Variants in NECAB1 observed in about 807,000 individuals in gnomAD.
NECAB1 encodes the protein N-terminal EF-hand calcium binding protein 1.
Under a neutral mutation model 57.5 loss-of-function variants are expected in NECAB1, and 29 were observed. The observed-to-expected ratio is 0.50, with a 90% CI of 0.38 to 0.69. The LOEUF is 0.69. Among genes scored for constraint, NECAB1 ranks in the 30% least tolerant of loss-of-function variants. The pLI is 0.00. For missense variants in NECAB1, 372 were observed against 413.8 expected, an observed-to-expected ratio of 0.90 and a Z score of 0.88; for synonymous variants, 142 against 147.7, an observed-to-expected ratio of 0.96 and a Z score of 0.28.
chr8:90,893,854 T>C lies in NECAB1; in HGVS notation c.357+12724T>C, dbSNP rs555303578. On this transcript the variant is annotated intron_variant, in intron 5 of 12. Coordinates refer to ENST00000417640, the MANE Select transcript of NECAB1 (RefSeq NM_022351.5). ...TTGCATTTTGTAAAGAATGCTATTT[T>C]TTTTTTAATTATAGTCAACATCAAC... Among the ~76,000 whole-genome samples, 5 of 152,004 alleles carry C rather than the reference T, an allele frequency of 3.3e-5. No homozygotes were observed. In the East Asian group the frequency reaches 9.7e-4, roughly 29 times the overall value.
intron 3 of NECAB1, among the ~76,000 whole-genome samples, chr8:90,854,118 G>A (rs1447982775): frequency 6.6e-6 from 1 of 152,162 alleles, no homozygotes; most frequent in Non-Finnish European, 1.5e-5. Flanking sequence ...ACACATGTAA[G>A]TTTCAAGCTT....
At chr8:90,907,648 T>C (rs1308008107) in intron 5 of NECAB1, among the ~76,000 whole-genome samples, 1 of 152,206 alleles carries the variant, frequency 6.6e-6, no homozygotes, top group Non-Finnish European at 1.5e-5. Flanking sequence ...ACTGGTGATA[T>C]TGTTATTTCC....
intron 4 of NECAB1, among the ~76,000 whole-genome samples, chr8:90,876,370 A>G (rs1435687658): frequency 6.6e-6 from 1 of 152,084 alleles, no homozygotes; most frequent in Non-Finnish European, 1.5e-5. Context: ...TGCGGGTTTT[A>G]ACACTCTCTC....
At chr8:90,804,749 A>T (rs191092099) in intron 2 of NECAB1, among the ~76,000 whole-genome samples, 6 of 151,802 alleles carry the variant, frequency 4.0e-5, no homozygotes, top group Non-Finnish European at 8.8e-5. Flanking sequence ...ATCCCACCTT[A>T]CTCTTCTCCC....
chr8:90,845,955 C>A (rs1360010376), intron 3 of NECAB1, among the ~76,000 whole-genome samples: 1 of 152,186 alleles, frequency 6.6e-6, no homozygotes, highest in Non-Finnish European at 1.5e-5. Context: ...CTTACATCTT[C>A]CTTTAAGTTG....
intron 3 of NECAB1, among the ~76,000 whole-genome samples, chr8:90,848,178 G>A (rs1812604744): frequency 1.3e-5 from 2 of 152,132 alleles, no homozygotes; most frequent in African/African-American, 4.8e-5. Context: ...CATATCTCTA[G>A]GGCAGGGGCA....
chr8:90,837,497 T>G (rs1050058975), intron 3 of NECAB1, among the ~76,000 whole-genome samples: 4 of 152,220 alleles, frequency 2.6e-5, no homozygotes, highest in African/African-American at 9.6e-5. Flanking sequence ...ATGAATTGTT[T>G]ATTTCTAGGA....
intron 2 of NECAB1, among the ~76,000 whole-genome samples, chr8:90,807,614 T>TA (rs1194409830): frequency 2.0e-5 from 3 of 152,202 alleles, no homozygotes; most frequent in Non-Finnish European, 4.4e-5. Context: ...TAGCTCCAGG[T>TA]AAAATGTAAA....
chr8:90,846,798 C>T (rs998081419), intron 3 of NECAB1, among the ~76,000 whole-genome samples: 15 of 152,118 alleles, frequency 9.9e-5, no homozygotes, highest in African/African-American at 2.2e-4. Flanking sequence ...ACCATCAGAT[C>T]GCAAGACTAT....
intron 2 of NECAB1, among the ~76,000 whole-genome samples, chr8:90,811,499 ATAGC>A (rs1043107585): frequency 6.6e-6 from 1 of 152,202 alleles, no homozygotes. Flanking sequence ...AAAAATTCAG[ATAGC>A]TAGCAAAAAA....
At position 90,957,843 on chromosome 8, in the gene NECAB1, A is replaced by T. The variant is rs189799472; in HGVS notation, c.*2331A>T. 465 of 150,768 alleles carry T rather than the reference A, an allele frequency of 3.1e-3. 2 individuals carry two copies. The highest frequency in any genetic ancestry group is 7.4e-3 in the African/African-American group (306 of 41,446). 9.3% of individuals were successfully genotyped at this position (150,768 alleles called of 1,614,324 possible). On this transcript the variant is annotated 3_prime_UTR_variant, in exon 13 of 13. Coordinates refer to ENST00000417640, the MANE Select transcript of NECAB1 (RefSeq NM_022351.5). ...AAAGTAGTAAAATAAAAAAAAATTT[A>T]AAAAATTAAAAAATAAAAAAAAGAG...
At chr8:90,907,154 G>C (rs1265385875) in intron 5 of NECAB1, among the ~76,000 whole-genome samples, 2 of 108,694 alleles carry the variant, frequency 1.8e-5, no homozygotes, top group African/African-American at 4.7e-5. Context: ...GTGTGTGTGA[G>C]AGAGAGAGAG....
At chr8:90,849,300 C>T (rs1460506577) in intron 3 of NECAB1, among the ~76,000 whole-genome samples, 1 of 152,020 alleles carries the variant, frequency 6.6e-6, no homozygotes, top group Non-Finnish European at 1.5e-5. Context: ...AAGACCCTGT[C>T]TCTACAGAAA....
At chr8:90,892,045 G>T (rs953886004) in intron 5 of NECAB1, among the ~76,000 whole-genome samples, 4 of 152,082 alleles carry the variant, frequency 2.6e-5, no homozygotes, top group Non-Finnish European at 4.4e-5. Context: ...AAACATAGCA[G>T]CTAAAGGCCA....
intron 5 of NECAB1, among the ~76,000 whole-genome samples, chr8:90,889,690 G>A (rs1809106093): frequency 6.6e-6 from 1 of 152,294 alleles, no homozygotes; most frequent in South Asian, 2.1e-4. Context: ...CACCACATGG[G>A]CCTCTCCATA....
At chr8:90,846,146 A>T (rs1386336012) in intron 3 of NECAB1, among the ~76,000 whole-genome samples, 1 of 152,210 alleles carries the variant, frequency 6.6e-6, no homozygotes, top group Non-Finnish European at 1.5e-5. Flanking sequence ...ATGGTGTTTG[A>T]TTTTAAAGTG....
chr8:90,805,499 T>G (rs896214845), intron 2 of NECAB1, among the ~76,000 whole-genome samples: 5 of 119,864 alleles, frequency 4.2e-5, no homozygotes, highest in Non-Finnish European at 8.4e-5. Context: ...CTTGGAGAGA[T>G]TTTTTTGGTT....
At chr8:90,916,465 A>G (rs762570318) in intron 5 of NECAB1, among the ~76,000 whole-genome samples, 52 of 152,228 alleles carry the variant, frequency 3.4e-4, no homozygotes, top group Non-Finnish European at 1.8e-4. Context: ...AAGCTTCTTC[A>G]GCATATCAGG....
intron 10 of NECAB1, among the ~76,000 whole-genome samples, chr8:90,944,699 C>G (rs118048835): frequency 6.6e-6 from 1 of 152,170 alleles, no homozygotes; most frequent in African/African-American, 2.4e-5. Flanking sequence ...AAATCATGTT[C>G]ATGGCCTAAA....
Sources: gnomAD v4.1 joint callset for allele counts (sites outside exome capture counted in the v4.1 genomes callset) on GRCh38, gnomAD v4.1.1 for gene constraint, MANE v1.5 for transcripts, NCBI Gene and HGNC (gene_info 2026-07-23, HGNC 2026-07-21) for gene names.